ZMAT1: variants seen among roughly 807,000 people sequenced by gnomAD.
ZMAT1 encodes the protein zinc finger matrin-type 1, also known as zinc finger matrin-type protein 1.
A neutral mutation model predicts 18.5 loss-of-function variants in ZMAT1; 11 were observed. The observed-to-expected ratio is 0.59, with a 90% CI of 0.37 to 0.98. ZMAT1 has a LOEUF of 0.98. Among genes scored for constraint, ZMAT1 ranks in the 50% least tolerant of loss-of-function variants. The probability of loss-of-function intolerance (pLI) is 0.01; values close to 1 mark genes in which losing one functional copy is unlikely to be tolerated. For missense variants in ZMAT1, 525 were observed against 496.2 expected (o/e 1.06, Z -0.55); for synonymous variants, 211 against 176.4 (o/e 1.20, Z -1.55).
chrX:101,892,132 G>T (rs1034466663), intron 4 of ZMAT1, among the ~76,000 whole-genome samples: 7 of 111,021 alleles, frequency 6.3e-5, no homozygotes, highest in African/African-American at 2.3e-4. Flanking sequence ...TCGCTAAGGG[G>T]AAAGTGAAGG....
At chrX:101,910,381 T>C (rs1313989979) in intron 1 of ZMAT1, among the ~76,000 whole-genome samples, 1 of 112,030 alleles carries the variant, frequency 8.9e-6, no homozygotes, top group African/African-American at 3.2e-5. Flanking sequence ...GAACATCTAC[T>C]AGCATCAACA....
intron 1 of ZMAT1, among the ~76,000 whole-genome samples, chrX:101,925,395 T>C (rs1244764120): frequency 8.9e-6 from 1 of 112,264 alleles, no homozygotes; most frequent in East Asian, 2.8e-4. Flanking sequence ...TTTCATGACC[T>C]AAGAAAATAA....
At chrX:101,892,574 T>G (rs1927492021) in intron 4 of ZMAT1, 1 of 144,182 alleles carries the variant, frequency 6.9e-6, no homozygotes, top group Admixed American at 9.5e-5. Context: ...TCAAGTTGAC[T>G]GTAGAGATTA....
chrX:101,884,263 T>C lies in ZMAT1; in HGVS notation c.1335A>G (p.Thr445=), dbSNP rs375708067. 6.6e-6 allele frequency: 8 copies of C among 1,209,130 alleles called. No homozygotes were observed. Among genetic ancestry groups the C allele is most frequent in the African/African-American group, 3.5e-5 (2 of 56,967 alleles). Residue 445 remains threonine, a synonymous_variant, in exon 6 of 6, where the codon ACA becomes ACG. Coordinates refer to ENST00000651725, the MANE Select transcript of ZMAT1 (RefSeq NM_001394560.1). ...PQWLPTHSKR[T]YDSFQDELED... Reference sequence around the variant, plus strand: ...CAAGTTCATCTTGGAAAGAATCATATGTCCTCTTTGAATGGGTTGGTAGCC... The same window carrying C: ...CAAGTTCATCTTGGAAAGAATCATACGTCCTCTTTGAATGGGTTGGTAGCC...
intron 2 of ZMAT1, among the ~76,000 whole-genome samples, chrX:101,899,580 G>A (rs898313592): frequency 8.9e-6 from 1 of 111,888 alleles, no homozygotes; most frequent in Admixed American, 9.5e-5. Flanking sequence ...TCCTGAGTTA[G>A]TTCACTTAGA....
chrX:101,913,560 T>C (rs937693741), intron 1 of ZMAT1, among the ~76,000 whole-genome samples: 1 of 111,727 alleles, frequency 9.0e-6, no homozygotes, highest in African/African-American at 3.3e-5. Flanking sequence ...ACAAAATTGA[T>C]TTCAAGACCA....
intron 1 of ZMAT1, among the ~76,000 whole-genome samples, chrX:101,922,282 T>C (rs1186304000): frequency 8.9e-6 from 1 of 111,872 alleles, no homozygotes; most frequent in Non-Finnish European, 1.9e-5. Flanking sequence ...TACCTAAGAC[T>C]TGGAGAGGTT....
chrX:101,896,709 T>C (rs1005689481), intron 4 of ZMAT1, among the ~76,000 whole-genome samples: 13 of 111,556 alleles, frequency 1.2e-4, no homozygotes, highest in African/African-American at 3.9e-4. Context: ...ATGTGGTAAA[T>C]TATTTACTAC....
At chrX:101,888,621 C>T (rs1237802248) in intron 4 of ZMAT1, 1 of 112,037 alleles carries the variant, frequency 8.9e-6, no homozygotes, top group Non-Finnish European at 1.9e-5. Context: ...TGCCCTAGAT[C>T]AAGCTTGTCC....
intron 1 of ZMAT1, among the ~76,000 whole-genome samples, chrX:101,908,185 T>C (rs1057426371): frequency 1.8e-5 from 2 of 112,555 alleles, no homozygotes; most frequent in African/African-American, 6.4e-5. Context: ...CTAACTTCGA[T>C]TCTAACATCA....
chrX:101,929,454 TATAC>T (rs1175320304), intron 1 of ZMAT1, among the ~76,000 whole-genome samples: 1 of 68,551 alleles, frequency 1.5e-5, no homozygotes, highest in Admixed American at 1.6e-4. Flanking sequence ...TATATATATA[TATAC>T]ACACAGAGAG....
intron 1 of ZMAT1, among the ~76,000 whole-genome samples, chrX:101,931,234 A>G (rs1336832264): frequency 8.9e-6 from 1 of 111,761 alleles, no homozygotes; most frequent in South Asian, 3.7e-4. Context: ...GTTGAACACC[A>G]AAGGGGGTTT....
chrX:101,924,407 C>T (rs1000233292), intron 1 of ZMAT1, among the ~76,000 whole-genome samples: 4 of 112,176 alleles, frequency 3.6e-5, no homozygotes, highest in Non-Finnish European at 5.6e-5. Context: ...CCACCGTGCC[C>T]GGCCAAGGAG....
chrX:101,929,423 T>TTA (rs771032732), intron 1 of ZMAT1, among the ~76,000 whole-genome samples: 1,187 of 71,194 alleles, frequency 0.017, 19 homozygotes, highest in East Asian at 0.12. Context: ...TAGAGAGAGA[T>TTA]TATATATATA....
intron 5 of ZMAT1, among the ~76,000 whole-genome samples, chrX:101,885,277 GTCATA>G (rs1926853133): frequency 1.8e-5 from 2 of 112,128 alleles, no homozygotes; most frequent in African/African-American, 6.5e-5. Flanking sequence ...TGATTTGAAT[GTCATA>G]TCATTTTTAA....
At chrX:101,891,569 A>G (rs1326588966) in intron 4 of ZMAT1, among the ~76,000 whole-genome samples, 6 of 111,151 alleles carry the variant, frequency 5.4e-5, no homozygotes, top group Non-Finnish European at 1.1e-4. Flanking sequence ...TCTCCTGAAG[A>G]TAATGTATGG....
At chrX:101,922,494 A>G (rs766114917) in intron 1 of ZMAT1, among the ~76,000 whole-genome samples, 1 of 109,432 alleles carries the variant, frequency 9.1e-6, no homozygotes, top group Non-Finnish European at 1.9e-5. Flanking sequence ...CCGGGGTTCA[A>G]GTGATTCTTC....
chrX:101,913,315 A>C (rs758134165), intron 1 of ZMAT1, among the ~76,000 whole-genome samples: 1 of 111,674 alleles, frequency 9.0e-6, no homozygotes, highest in African/African-American at 3.2e-5. Context: ...AAAAATCAAA[A>C]GGGAAGAACT....
chrX:101,894,411 A>G, intron 4 of ZMAT1: 7 of 750,076 alleles, frequency 9.3e-6, no homozygotes, highest in Non-Finnish European at 1.1e-5. Flanking sequence ...GCTTCATTAA[A>G]TATATGAAGT....
Sources: allele counts gnomAD v4.1 joint callset (sites outside exome capture counted in the v4.1 genomes callset), GRCh38; gene constraint gnomAD v4.1.1; transcripts MANE v1.5; gene names NCBI Gene and HGNC (gene_info 2026-07-23, HGNC 2026-07-21).